The following FAM81A variants were observed in gnomAD, a reference collection of about 807,000 sequenced individuals.
FAM81A encodes the protein protein FAM81A.
A neutral mutation model predicts 46.7 loss-of-function variants in FAM81A; 19 were observed. The observed-to-expected ratio is 0.41, with a 90% CI of 0.28 to 0.60. The LOEUF (loss-of-function observed/expected upper bound fraction) is 0.60, where lower values mean the gene tolerates loss of function less well. Among genes scored for constraint, FAM81A ranks in the 20% least tolerant of loss-of-function variants. The probability of loss-of-function intolerance (pLI) is 0.34; values close to 1 mark genes in which losing one functional copy is unlikely to be tolerated. For synonymous variants in FAM81A, 183 were observed against 152.9 expected (o/e 1.20, Z -1.45); for missense variants, 377 against 453.5 (o/e 0.83, Z 1.53).
At chr15:59,486,868 C>G (rs1596518246) in intron 3 of FAM81A, among the ~76,000 whole-genome samples, 1 of 152,012 alleles carries the variant, frequency 6.6e-6, no homozygotes, top group South Asian at 2.1e-4. Context: ...CCAGGCCTGT[C>G]CTACAAGAAA....
intron 1 of FAM81A, among the ~76,000 whole-genome samples, chr15:59,399,252 T>G (rs779098921): frequency 2.5e-4 from 38 of 152,156 alleles, no homozygotes; most frequent in Admixed American, 4.6e-4. Flanking sequence ...AGGCATGTCT[T>G]CTCCCTATAA....
intron 6 of FAM81A, among the ~76,000 whole-genome samples, chr15:59,512,305 T>A (rs1241670460): frequency 2.0e-5 from 3 of 151,442 alleles, no homozygotes; most frequent in Non-Finnish European, 2.9e-5. Flanking sequence ...AAACCCTGTC[T>A]GTACAAAAAT....
chr15:59,515,008 G>T (rs577902904), intron 7 of FAM81A, among the ~76,000 whole-genome samples: 19 of 152,290 alleles, frequency 1.2e-4, no homozygotes, highest in African/African-American at 4.3e-4. Flanking sequence ...ACTTTGGGAG[G>T]CTGAGGCGGG....
chr15:59,468,399 C>G (rs532012113), intron 3 of FAM81A, among the ~76,000 whole-genome samples: 1 of 152,254 alleles, frequency 6.6e-6, no homozygotes, highest in East Asian at 1.9e-4. Context: ...TGTTACTGGT[C>G]TATTCAGAGA....
intron 2 of FAM81A, among the ~76,000 whole-genome samples, chr15:59,424,051 T>C (rs530708824): frequency 6.6e-5 from 10 of 152,322 alleles, no homozygotes; most frequent in Non-Finnish European, 1.2e-4. Flanking sequence ...ATCTTTTCCT[T>C]AGCCCACTCC....
At chr15:59,487,854 C>T (rs1009820427) in intron 3 of FAM81A, among the ~76,000 whole-genome samples, 1 of 152,132 alleles carries the variant, frequency 6.6e-6, no homozygotes, top group Non-Finnish European at 1.5e-5. Flanking sequence ...CATACTGTAA[C>T]TATTCTGAAA....
rs752112836 is a variant in FAM81A, at chr15:59,516,858, C to G, written c.982+18C>G. 1.9e-6 allele frequency: 3 copies of G among 1,570,664 alleles called. No individual in the cohort carries two copies. Among genetic ancestry groups the G allele is most frequent in the Non-Finnish European group, 1.7e-6 (2 of 1,162,546 alleles). On this transcript the variant is annotated intron_variant, in intron 8 of 8. Coordinates refer to ENST00000288228, the MANE Select transcript of FAM81A (RefSeq NM_152450.3). ...TAATGCTGGTAGGCCAAAACCAGAA[C>G]AGCTCACGTGCTTTATTTTCTGTTT... is the stretch of plus-strand genomic sequence containing the variant.
intron 5 of FAM81A, 53 bp downstream of exon 5, chr15:59,507,395 G>A (rs1345219618): frequency 1.9e-6 from 3 of 1,583,880 alleles, no homozygotes; most frequent in Non-Finnish European, 8.6e-7. Flanking sequence ...TCTTAGCTAA[G>A]AATAACATGG....
At chr15:59,518,853 T>C (rs147293616) in intron 8 of FAM81A, among the ~76,000 whole-genome samples, 211 of 152,224 alleles carry the variant, frequency 1.4e-3, no homozygotes, top group African/African-American at 5.0e-3. Flanking sequence ...AAGATGTTTA[T>C]ATTTTGATAT....
Position 59,439,664 on chromosome 15 carries a change from G to A in FAM81A, c.-78+1382G>A, listed in dbSNP as rs564333746. On this transcript the variant is annotated intron_variant, in intron 1 of 8. Transcript: ENST00000288228. ...GGAAGACACAGTTTCCAATGCTAATGAATAAGCTTCTGCAAGCTTGTTTAC... is the reference window on the plus strand; with the variant it reads ...GGAAGACACAGTTTCCAATGCTAATAAATAAGCTTCTGCAAGCTTGTTTAC... Among the ~76,000 whole-genome samples, 3 of 147,370 alleles carry A rather than the reference G, an allele frequency of 2.0e-5. No individual in the cohort carries two copies. The East Asian group carries it at 5.8e-4, about 29-fold the overall frequency.
intron 6 of FAM81A, among the ~76,000 whole-genome samples, chr15:59,510,554 T>C (rs2082195702): frequency 6.6e-6 from 1 of 151,890 alleles, no homozygotes; most frequent in African/African-American, 2.4e-5. Context: ...GGTGGTCTGG[T>C]ACCTTCAGAT....
At chr15:59,498,197 T>A (rs1477896870) in intron 4 of FAM81A, among the ~76,000 whole-genome samples, 1 of 152,246 alleles carries the variant, frequency 6.6e-6, no homozygotes, top group Non-Finnish European at 1.5e-5. Context: ...TTTCCATTTA[T>A]TTTGGTCATC....
intron 4 of FAM81A, among the ~76,000 whole-genome samples, chr15:59,502,594 ATCTCTGCCTCCTGGGTTCAAGCGAT>A (rs1296762583): frequency 6.7e-6 from 1 of 149,412 alleles, no homozygotes; most frequent in Non-Finnish European, 1.5e-5. Context: ...GCTCACTGCA[ATCTCTGCCTCCTGGGTTCAAGCGAT>A]TCTCCTGCTT....
intron 2 of FAM81A, among the ~76,000 whole-genome samples, chr15:59,428,289 A>G (rs1364793039): frequency 6.6e-6 from 1 of 152,070 alleles, no homozygotes; most frequent in African/African-American, 2.4e-5. Context: ...CATTCCTTAC[A>G]TATTGTGATT....
At chr15:59,429,701 A>G (rs887304218) in intron 2 of FAM81A, among the ~76,000 whole-genome samples, 1 of 152,220 alleles carries the variant, frequency 6.6e-6, no homozygotes, top group Non-Finnish European at 1.5e-5. Context: ...TTTAAAAAGA[A>G]TGTTTTGACT....
At chr15:59,499,904 G>A (rs553746917) in intron 4 of FAM81A, among the ~76,000 whole-genome samples, 10 of 147,722 alleles carry the variant, frequency 6.8e-5, no homozygotes, top group Non-Finnish European at 1.2e-4. Flanking sequence ...CCAGGCTGAA[G>A]TGCAGTGGCA....
At chr15:59,399,714 A>G (rs1179955484) in intron 1 of FAM81A, among the ~76,000 whole-genome samples, 3 of 152,140 alleles carry the variant, frequency 2.0e-5, no homozygotes, top group African/African-American at 4.8e-5. Flanking sequence ...TTCTCTCCCT[A>G]TGCGAGGCGC....
intron 6 of FAM81A, 49 bp from the exon 7 acceptor site, chr15:59,514,240 A>C (rs2082243581): frequency 6.7e-7 from 1 of 1,485,532 alleles, no homozygotes; most frequent in African/African-American, 1.4e-5. Flanking sequence ...AAATAAAAAA[A>C]ATAAAAAATA....
At chr15:59,457,104 G>A (rs1359770975) in intron 1 of FAM81A, among the ~76,000 whole-genome samples, 2 of 152,128 alleles carry the variant, frequency 1.3e-5, no homozygotes, top group African/African-American at 4.8e-5. Flanking sequence ...TTTATTTACG[G>A]TAGTCCCCCC....
Sources: gnomAD v4.1 joint callset for allele counts (sites outside exome capture counted in the v4.1 genomes callset) on GRCh38, gnomAD v4.1.1 for gene constraint, MANE v1.5 for transcripts, NCBI Gene and HGNC (gene_info 2026-07-23, HGNC 2026-07-21) for gene names.